Variants in TM4SF1 observed in about 807,000 individuals in gnomAD.
The protein encoded by TM4SF1 is transmembrane 4 L six family member 1, also known as transmembrane 4 L6 family member 1.
A neutral mutation model predicts 24.5 loss-of-function variants in TM4SF1; 20 were observed. That is an observed-to-expected ratio of 0.82 (90% CI 0.57 to 1.19). The LOEUF (loss-of-function observed/expected upper bound fraction) is 1.19. Among genes scored for constraint, TM4SF1 ranks in the 50% most tolerant of loss-of-function variants. TM4SF1 has a pLI of 0.00. For synonymous variants in TM4SF1, 107 were observed against 95.4 expected (o/e 1.12, Z -0.71); for missense variants, 258 against 248.1 (o/e 1.04, Z -0.27).
chr3:149,375,336 G>A (rs1576849595), intron 3 of TM4SF1, 107 bp downstream of exon 3: 3 of 1,408,460 alleles, frequency 2.1e-6, no homozygotes, highest in Admixed American at 1.8e-5. Flanking sequence ...ACACTGGCTA[G>A]GTGGGTGGAT....
At chr3:149,377,258 CAA>C (rs1731976981) in intron 1 of TM4SF1, 111 bp downstream of exon 1, 2 of 1,370,722 alleles carry the variant, frequency 1.5e-6, no homozygotes, top group East Asian at 4.8e-5. Context: ...TGAACAGCAA[CAA>C]AAAAGTCACT....
chr3:149,377,520 T>C lies in TM4SF1; in HGVS notation c.28A>G (p.Ile10Val), dbSNP rs372250500. MCYGKCARCIGHSLVGLALL... is the reference protein window; with the variant it reads MCYGKCARCVGHSLVGLALL... ...GCGAGCCCCACCAGAGAATGTCCGA[T>C]GCATCGTGCACACTTCCCATAGCAC... The change falls in exon 1 of 5, where the codon ATC becomes GTC. Residue 10 changes from isoleucine to valine, a missense_variant. Ile to Val is a conservative substitution (Grantham distance 29, BLOSUM62 3). Coordinates refer to ENST00000305366, the MANE Select transcript of TM4SF1 (RefSeq NM_014220.3). 432 of 1,613,882 alleles carry C rather than the reference T, an allele frequency of 2.7e-4. No homozygotes were observed. The highest frequency in any genetic ancestry group is 3.5e-4 in the Non-Finnish European group (413 of 1,180,024).
chr3:149,375,404 G>A (rs1731923324), intron 3 of TM4SF1, 39 bp downstream of exon 3: 1 of 1,609,346 alleles, frequency 6.2e-7, no homozygotes, highest in Non-Finnish European at 8.5e-7. Flanking sequence ...TACATGTGGT[G>A]GATAAAAATG....
At chr3:149,370,120 A>C in intron 4 of TM4SF1, 4 of 438,156 alleles carry the variant, frequency 9.1e-6, no homozygotes, top group Non-Finnish European at 1.2e-5. Flanking sequence ...CAGGATACTG[A>C]TATTGGGTTG....
In TM4SF1 at chr3:149,371,861, A is replaced by G. The variant is rs113174775; in HGVS notation, c.420T>C (p.Leu140=). 5 of 1,614,078 alleles carry G rather than the reference A, an allele frequency of 3.1e-6. No homozygotes were observed. The highest frequency in any genetic ancestry group is 4.2e-6 in the Non-Finnish European group (5 of 1,179,986). ...ACTCGGACCATGTGGAGGTATCCAG[A>G]AGGTACCTGTGGGTAAAAAGAGAAA... ...YTFASTEGQY[L]LDTSTWSECT... Residue 140 remains leucine, a synonymous_variant, in exon 4 of 5, where the codon CTT becomes CTC. Coordinates refer to ENST00000305366, the MANE Select transcript of TM4SF1 (RefSeq NM_014220.3).
At chr3:149,369,978 T>C (rs1731781926) in intron 4 of TM4SF1, 98 bp from the exon 5 acceptor site, 1 of 1,436,076 alleles carries the variant, frequency 7.0e-7, no homozygotes, top group Middle Eastern at 2.5e-4. Flanking sequence ...ATAAACAGAC[T>C]GATCTTAGCT....
chr3:149,372,045 T>A (rs1200189625), intron 3 of TM4SF1, among the ~76,000 whole-genome samples, 178 bp from the exon 4 acceptor site: 2 of 152,248 alleles, frequency 1.3e-5, no homozygotes, highest in Non-Finnish European at 2.9e-5. Context: ...CAGATCCTAC[T>A]GTAATGATAA....
chr3:149,372,464 G>A (rs1731847788), intron 3 of TM4SF1, among the ~76,000 whole-genome samples: 1 of 151,316 alleles, frequency 6.6e-6, no homozygotes, highest in Admixed American at 6.6e-5. Context: ...ATCTCAATTT[G>A]TTACTGCTGA....
At chr3:149,372,181 C>A (rs1017908881) in intron 3 of TM4SF1, among the ~76,000 whole-genome samples, 2 of 152,056 alleles carry the variant, frequency 1.3e-5, no homozygotes, top group Non-Finnish European at 2.9e-5. Context: ...AATAAAAATG[C>A]AGAACTGTAT....
rs1576846746 is a variant in TM4SF1 at position 149,369,155 on chromosome 3, T to C, written c.*711A>G. ...TTTATTCAGTTTCCCATCTTTCTTC[T>C]TGCCCAGTCATCGTAGCCTTTCTTT... On this transcript the variant is annotated 3_prime_UTR_variant, in exon 5 of 5. Coordinates refer to ENST00000305366, the MANE Select transcript of TM4SF1 (RefSeq NM_014220.3). The C allele has an allele frequency of 1.3e-5, 2 of 152,330 alleles. 1 individual carries two copies. Among genetic ancestry groups the C allele is most frequent in the Middle Eastern group, 6.8e-3 (2 of 296 alleles). The allele number at this position is 152,330 out of a possible 1,614,324, so 9.4% of individuals were successfully genotyped here.
Position 149,375,764 on chromosome 3 carries a change from G to A in TM4SF1, c.183C>T (p.Leu61=). Residue 61 remains leucine, a synonymous_variant, in exon 2 of 5, where the codon CTC becomes CTT. Transcript: ENST00000305366. ...SGIVGGGLLM[L]LPAFVFIGLE... The stretch of plus-strand genomic sequence containing the variant: ...GCCCAATGAAGACAAATGCTGGCAG[G>A]AGCATCTGGTTAGGAAACAAACAAA... 1 of 1,614,214 alleles carries A rather than the reference G, an allele frequency of 6.2e-7. No individual in the cohort carries two copies. The highest frequency in any genetic ancestry group is 8.5e-7 in the Non-Finnish European group (1 of 1,180,042).
At chr3:149,376,183 A>G (rs1337927088) in intron 1 of TM4SF1, among the ~76,000 whole-genome samples, 1 of 152,188 alleles carries the variant, frequency 6.6e-6, no homozygotes, top group Non-Finnish European at 1.5e-5. Context: ...TTTTTTGTAA[A>G]TGGGAGACAT....
At chr3:149,373,875 A>G (rs1216861826) in intron 3 of TM4SF1, among the ~76,000 whole-genome samples, 1 of 152,244 alleles carries the variant, frequency 6.6e-6, no homozygotes, top group Non-Finnish European at 1.5e-5. Context: ...TTCTGGTTGC[A>G]TAAGTCATGA....
chr3:149,375,818 A>T (rs1731938440), intron 1 of TM4SF1, 49 bp from the exon 2 acceptor site: 1 of 1,571,340 alleles, frequency 6.4e-7, no homozygotes, highest in Admixed American at 1.7e-5. Context: ...TCAGGCTCAT[A>T]TGGGTCAGGT....
chr3:149,369,964 A>T lies in TM4SF1; in HGVS notation c.595-84T>A. 8.0e-6 allele frequency: 12 copies of T among 1,495,920 alleles called. No homozygotes were observed. In the South Asian group the frequency reaches 1.3e-4, roughly 16 times the overall value. 92.7% of individuals were successfully genotyped at this position (1,495,920 alleles called of 1,614,324 possible). The stretch of plus-strand genomic sequence containing the variant: ...AGTCCTTTAAGTTCCTATTTTAAGC[A>T]AACATAAACAGACTGATCTTAGCTT... On this transcript the variant is annotated intron_variant, in intron 4 of 4. Coordinates refer to ENST00000305366, the MANE Select transcript of TM4SF1 (RefSeq NM_014220.3).
chr3:149,372,234 G>A (rs904922380), intron 3 of TM4SF1, among the ~76,000 whole-genome samples: 1 of 152,142 alleles, frequency 6.6e-6, no homozygotes, highest in African/African-American at 2.4e-5. Context: ...GTATGTGTAG[G>A]AAGTAAACTA....
chr3:149,377,648 C>G lies in TM4SF1; in HGVS notation c.-101G>C. ...CTTCTGGTGGAGAAAGCAAACACCA[C>G]TCTCAGCCCATTCCTGCTACCTCTT... On this transcript the variant is annotated 5_prime_UTR_variant, in exon 1 of 5. Transcript: ENST00000305366. The G allele has an allele frequency of 6.6e-7, 1 of 1,507,060 alleles. No individual in the cohort carries two copies. The highest frequency in any genetic ancestry group is 1.4e-5 in the African/African-American group (1 of 71,882). 93.4% of individuals were successfully genotyped at this position (1,507,060 alleles called of 1,614,324 possible).
intron 4 of TM4SF1, 71 bp from the exon 5 acceptor site, chr3:149,369,951 T>A (rs1241160158): frequency 1.9e-6 from 3 of 1,548,614 alleles, no homozygotes; most frequent in Admixed American, 4.3e-5. Context: ...TCCTTTAAGT[T>A]CCTATTTTAA....
Position 149,377,479 on chromosome 3 carries a change from C to A in TM4SF1, c.69G>T (p.Ala23=). 6.2e-7 allele frequency: 1 copy of A among 1,614,126 alleles called. No individual in the cohort carries two copies. Among genetic ancestry groups the A allele is most frequent in the Non-Finnish European group, 8.5e-7 (1 of 1,180,028 alleles). Residue 23 remains alanine (A), a synonymous_variant, in exon 1 of 5, where the codon GCG becomes GCT. Transcript: ENST00000305366. ...SLVGLALLCI[A]ANILLYFPNG... ...TGGGAAAGTAAAGCAAAATATTAGC[C>A]GCGATGCACAGGAGGGCGAGCCCCA...
Sources: allele counts gnomAD v4.1 joint callset (sites outside exome capture counted in the v4.1 genomes callset), GRCh38; gene constraint gnomAD v4.1.1; transcripts MANE v1.5; gene names NCBI Gene and HGNC (gene_info 2026-07-23, HGNC 2026-07-21).